The following CASC3 variants were observed in gnomAD, a reference collection of about 807,000 sequenced individuals.
CASC3 encodes protein CASC3.
CASC3 carries 30 observed loss-of-function variants against 80.5 expected under a neutral mutation model. That is an observed-to-expected ratio of 0.37 (90% CI 0.28 to 0.51). CASC3 has a LOEUF of 0.51. Among genes scored for constraint, CASC3 ranks in the 20% least tolerant of loss-of-function variants. CASC3 has a pLI of 0.94. For synonymous variants in CASC3, 312 were observed against 333.6 expected (o/e 0.94, Z 0.70); for missense variants, 824 against 922.2 (o/e 0.89, Z 1.38).
Position 40,161,801 on chromosome 17 carries a change from A to G in CASC3, c.346A>G (p.Lys116Glu). The G allele has an allele frequency of 6.2e-7, 1 of 1,614,196 alleles. No individual in the cohort carries two copies. The highest frequency in any genetic ancestry group is 8.5e-7 in the Non-Finnish European group (1 of 1,180,030). ...AGAGGAAAACTCCAAAGTGGAGCTG[A>G]AATCAGAAGCTAATGATGCTGTTAA... ...SEEENSKVEL[K>E]SEANDAVNSS... Residue 116 changes from lysine (K) to glutamate (E), a missense_variant, in exon 4 of 14, where the codon AAA becomes GAA. Coordinates refer to ENST00000264645, the MANE Select transcript of CASC3 (RefSeq NM_007359.5).
Position 40,170,828 on chromosome 17 carries a change from T to G in CASC3, c.*423T>G. 1 of 984,744 alleles carries G rather than the reference T, an allele frequency of 1.0e-6. No homozygotes were observed. The highest frequency in any genetic ancestry group is 1.2e-6 in the Non-Finnish European group (1 of 829,214). 61.0% of individuals were successfully genotyped at this position (984,744 alleles called of 1,614,324 possible). A position where few individuals can be genotyped will look rare whatever the true frequency, so the allele number is the denominator to read the frequency against. On this transcript the variant is annotated 3_prime_UTR_variant, in exon 14 of 14. Coordinates refer to ENST00000264645, the MANE Select transcript of CASC3 (RefSeq NM_007359.5). ...AAAGCCTGGCTTCTTATCCTTAATA[T>G]TATTTTAATTTTTTCTCTTTGTTTC...
chr17:40,140,960 G>A (rs1988698490), intron 1 of CASC3, 181 bp downstream of exon 1: 2 of 640,944 alleles, frequency 3.1e-6, no homozygotes. Context: ...GGAAGAAGAA[G>A]GATTGGGGGT....
At chr17:40,161,391 T>G (rs985277800) in intron 3 of CASC3, among the ~76,000 whole-genome samples, 6 of 152,086 alleles carry the variant, frequency 3.9e-5, no homozygotes, top group Non-Finnish European at 5.9e-5. Flanking sequence ...AGTAGAAAAT[T>G]GAAATGCAGC....
Position 40,163,878 on chromosome 17 carries a change from C to G in CASC3, c.1183C>G (p.Pro395Ala), listed in dbSNP as rs143365366. ...TGCTCCTGATGCTGCACCACCACCC[C>G]CTGATAGGCCCATTGAGAAGAAATC... ...AAAPDAAPPP[P>A]DRPIEKKSYS... Residue 395 changes from proline to alanine, a missense_variant, in exon 7 of 14, where the codon CCT (proline) becomes GCT (alanine). Pro to Ala is a conservative substitution (Grantham distance 27). Transcript: ENST00000264645. 1.2e-5 allele frequency: 19 copies of G among 1,614,060 alleles called. No homozygotes were observed. In the East Asian group the frequency reaches 3.8e-4, roughly 32 times the overall value.
intron 3 of CASC3, among the ~76,000 whole-genome samples, 165 bp downstream of exon 3, chr17:40,141,772 C>T (rs946685969): frequency 6.6e-6 from 1 of 152,114 alleles, no homozygotes; most frequent in Non-Finnish European, 1.5e-5. Flanking sequence ...CACTTTAGAC[C>T]TAGGGAAAAC....
At position 40,163,972 on chromosome 17, in the gene CASC3, C is replaced by T. The variant is rs1483379168; in HGVS notation, c.1277C>T (p.Pro426Leu). Residue 426 changes from proline (P) to leucine (L), a missense_variant, in exon 7 of 14, where the codon CCT (proline) becomes CTT (leucine). Pro to Leu is a moderately conservative substitution (Grantham distance 98, BLOSUM62 -3). Coordinates refer to ENST00000264645, the MANE Select transcript of CASC3 (RefSeq NM_007359.5). ...GTCAAGCTTGCAGAGGAGGTGCCCC[C>T]TCCTCCTGAAGGACTGATTCCAGCA... Reference protein sequence around the residue: ...DAVKLAEEVPPPPEGLIPAPP... With the variant: ...DAVKLAEEVPLPPEGLIPAPP... 2.5e-6 allele frequency: 4 copies of T among 1,614,054 alleles called. No individual in the cohort carries two copies. Among genetic ancestry groups the T allele is most frequent in the Non-Finnish European group, 3.4e-6 (4 of 1,180,038 alleles).
chr17:40,143,934 A>G (rs1023217887), intron 3 of CASC3, among the ~76,000 whole-genome samples: 2 of 152,062 alleles, frequency 1.3e-5, no homozygotes, highest in African/African-American at 2.4e-5. Flanking sequence ...TTACATGATT[A>G]TTACACATTG....
chr17:40,147,628 A>G (rs975226633), intron 3 of CASC3, among the ~76,000 whole-genome samples: 1 of 152,170 alleles, frequency 6.6e-6, no homozygotes, highest in Non-Finnish European at 1.5e-5. Flanking sequence ...CCTGGACAAC[A>G]AAGTGAGACC....
At position 40,163,849 on chromosome 17, in the gene CASC3, C is replaced by T. The variant is rs761535534; in HGVS notation, c.1154C>T (p.Ala385Val). 6.2e-7 allele frequency: 1 copy of T among 1,614,180 alleles called. No homozygotes were observed. Among genetic ancestry groups the T allele is most frequent in the Non-Finnish European group, 8.5e-7 (1 of 1,180,032 alleles). The change falls in exon 7 of 14, where the codon GCT (alanine) becomes GTT (valine). Residue 385 changes from alanine (A) to valine (V), a missense_variant. Physicochemically the swap from Ala to Val is moderately conservative, Grantham distance 64. Transcript: ENST00000264645. ...GAAGAGGCAGCCTCAGAGCCACCAG[C>T]TGCTGCTCCTGATGCTGCACCACCA... Reference protein sequence around the residue: ...EKEEAASEPPAAAPDAAPPPP... With the variant: ...EKEEAASEPPVAAPDAAPPPP...
intron 3 of CASC3, among the ~76,000 whole-genome samples, chr17:40,150,682 A>G (rs753671912): frequency 1.1e-3 from 163 of 152,174 alleles, no homozygotes; most frequent in Non-Finnish European, 2.1e-3. Flanking sequence ...CGAGACAGTA[A>G]GGAAACAACT....
At chr17:40,168,047 G>A in intron 10 of CASC3, 99 bp downstream of exon 10, 4 of 1,362,568 alleles carry the variant, frequency 2.9e-6, no homozygotes, top group Non-Finnish European at 4.2e-6. Flanking sequence ...TGCTAGCCTG[G>A]GAGTCTGGCC....
intron 5 of CASC3, 136 bp downstream of exon 5, chr17:40,162,289 A>G (rs1253961637): frequency 2.0e-6 from 2 of 976,586 alleles, no homozygotes; most frequent in African/African-American, 3.3e-5. Context: ...ACAAATGAGG[A>G]AAGTAGGCTT....
Position 40,163,435 on chromosome 17 carries a change from T to G in CASC3, c.786-46T>G, listed in dbSNP as rs763394259. On this transcript the variant is annotated intron_variant, in intron 6 of 13. Transcript: ENST00000264645. ...CAGGCCTGAGCCACCGCGCGTAGCC[T>G]CCTTTTGTTAATTTCCTAACAGTTT... 5 of 1,539,998 alleles carry G rather than the reference T, an allele frequency of 3.2e-6. No individual in the cohort carries two copies. In the Admixed American group the frequency reaches 5.6e-5, roughly 17 times the overall value.
At chr17:40,153,802 G>A (rs185955770) in intron 3 of CASC3, among the ~76,000 whole-genome samples, 1 of 151,872 alleles carries the variant, frequency 6.6e-6, no homozygotes, top group Admixed American at 6.6e-5. Context: ...GGCGGGGCAC[G>A]GTGGCTCACG....
In CASC3 at chr17:40,140,668, C is replaced by T. The variant is rs775610775; in HGVS notation, c.120C>T (p.Ala40=). The T allele has an allele frequency of 2.7e-5, 43 of 1,603,454 alleles. No homozygotes were observed. Among genetic ancestry groups the T allele is most frequent in the Non-Finnish European group, 3.4e-5 (40 of 1,176,502 alleles). The change falls in exon 1 of 14, where the codon GCC becomes GCT. Residue 40 remains alanine (A), a synonymous_variant. Coordinates refer to ENST00000264645, the MANE Select transcript of CASC3 (RefSeq NM_007359.5). The part of the protein sequence containing the change: ...LRGGGSCSGS[A]GGGGSGSLPS... The stretch of plus-strand genomic sequence containing the variant: ...GAGGCGGGAGCTGCAGCGGTAGCGC[C>T]GGAGGCGGCGGCAGCGGCTCTCTGC...
In CASC3 at chr17:40,163,861, A is replaced by C. The variant is rs370998998; in HGVS notation, c.1166A>C (p.Asp389Ala). 6.2e-7 allele frequency: 1 copy of C among 1,614,054 alleles called. No individual in the cohort carries two copies. Among genetic ancestry groups the C allele is most frequent in the African/African-American group, 1.3e-5 (1 of 74,924 alleles). ...AASEPPAAAPDAAPPPPDRPI... is the reference protein window; with the variant it reads ...AASEPPAAAPAAAPPPPDRPI... ...TCAGAGCCACCAGCTGCTGCTCCTG[A>C]TGCTGCACCACCACCCCCTGATAGG... Residue 389 changes from aspartate (D) to alanine (A), a missense_variant, in exon 7 of 14, where the codon GAT (aspartate) becomes GCT (alanine). Transcript: ENST00000264645.
At chr17:40,162,968 C>G in intron 6 of CASC3, 67 bp downstream of exon 6, 1 of 1,441,380 alleles carries the variant, frequency 6.9e-7, no homozygotes, top group Non-Finnish European at 9.6e-7. Context: ...CACCTGGAAT[C>G]CCGGCACTTT....
At chr17:40,160,555 C>T (rs1989268243) in intron 3 of CASC3, among the ~76,000 whole-genome samples, 1 of 151,906 alleles carries the variant, frequency 6.6e-6, no homozygotes, top group African/African-American at 2.4e-5. Context: ...TTAAGCTCCT[C>T]TTATATGTTA....
rs749845834 is a variant in CASC3 at position 40,171,842 on chromosome 17, C to G, written c.*1437C>G. 2.0e-5 allele frequency: 24 copies of G among 1,187,134 alleles called. No homozygotes were observed. The highest frequency in any genetic ancestry group is 2.6e-5 in the Non-Finnish European group (24 of 941,048). 73.5% of individuals were successfully genotyped at this position (1,187,134 alleles called of 1,614,324 possible). On this transcript the variant is annotated 3_prime_UTR_variant, in exon 14 of 14. Coordinates refer to ENST00000264645, the MANE Select transcript of CASC3 (RefSeq NM_007359.5). The stretch of plus-strand genomic sequence containing the variant: ...CAGCTGGCCTAATCACTCTGAGTCA[C>G]AGGTGTGGGATGGAGAGTGGGGAGA...
Sources: gnomAD v4.1 joint callset for allele counts (sites outside exome capture counted in the v4.1 genomes callset) on GRCh38, gnomAD v4.1.1 for gene constraint, MANE v1.5 for transcripts, NCBI Gene and HGNC (gene_info 2026-07-23, HGNC 2026-07-21) for gene names.